SCML4: variants seen among roughly 807,000 people sequenced by gnomAD.
SCML4 encodes sex comb on midleg-like protein 4.
In SCML4, 34 loss-of-function variants were observed where a neutral mutation model predicts 41.1. The observed-to-expected ratio is 0.83, with a 90% CI of 0.63 to 1.10. The LOEUF (loss-of-function observed/expected upper bound fraction) is 1.10, where lower values mean the gene tolerates loss of function less well. Among genes scored for constraint, SCML4 ranks in the 50% least tolerant of loss-of-function variants. SCML4 has a pLI of 0.00. For synonymous variants in SCML4, 214 were observed against 220.9 expected (o/e 0.97, Z 0.28); for missense variants, 522 against 534.1 (o/e 0.98, Z 0.22).
At chr6:107,717,188 C>T (rs1482745989) in intron 6 of SCML4, among the ~76,000 whole-genome samples, 4 of 134,120 alleles carry the variant, frequency 3.0e-5, no homozygotes, top group Admixed American at 7.6e-5. Flanking sequence ...GGTGTGGTGG[C>T]AGGCACCTGT....
chr6:107,773,204 C>A (rs952157361), intron 1 of SCML4, among the ~76,000 whole-genome samples: 1 of 152,144 alleles, frequency 6.6e-6, no homozygotes, highest in Non-Finnish European at 1.5e-5. Flanking sequence ...GCAAAGATGG[C>A]AGGACTATGG....
chr6:107,817,620 C>CAAAAAAAAAAAA lies in SCML4; in HGVS notation c.-60+6494_-60+6505dup, dbSNP rs35621962. 2.2e-4 allele frequency among the ~76,000 whole-genome samples: 10 copies of CAAAAAAAAAAAA among 45,994 alleles called. 1 individual carries two copies. Among genetic ancestry groups the CAAAAAAAAAAAA allele is most frequent in the African/African-American group, 1.2e-3 (9 of 7,204 alleles). The allele number at this position is 45,994 out of a possible 152,430, so 30.2% of individuals were successfully genotyped here. The stretch of plus-strand genomic sequence containing the variant: ...TGGGCAACAGAGGAAGACTTCATCT[C>CAAAAAAAAAAAA]AAAAAAAAAAAAAAAGAAAAAAAAA... On this transcript the variant is annotated intron_variant, in intron 1 of 7. Coordinates refer to ENST00000369020, the MANE Select transcript of SCML4 (RefSeq NM_198081.5).
intron 1 of SCML4, among the ~76,000 whole-genome samples, chr6:107,805,064 G>A (rs1291524663): frequency 3.3e-5 from 5 of 152,176 alleles, no homozygotes; most frequent in Admixed American, 3.3e-4. Context: ...TGTGCTGGAG[G>A]CATTCCTACC....
chr6:107,714,397 C>T (rs1190642485), intron 6 of SCML4, among the ~76,000 whole-genome samples: 2 of 152,192 alleles, frequency 1.3e-5, no homozygotes, highest in Non-Finnish European at 2.9e-5. Flanking sequence ...GCCAGCTCCA[C>T]TGCCCCTTCT....
chr6:107,804,076 A>G (rs965840337), intron 1 of SCML4, among the ~76,000 whole-genome samples: 2 of 148,312 alleles, frequency 1.3e-5, no homozygotes, highest in African/African-American at 5.2e-5. Flanking sequence ...AGAAAAAAAA[A>G]AAAAAAGAGC....
At chr6:107,707,426 C>T (rs1269444886) in intron 7 of SCML4, among the ~76,000 whole-genome samples, 1 of 152,180 alleles carries the variant, frequency 6.6e-6, no homozygotes, top group Non-Finnish European at 1.5e-5. Flanking sequence ...CATTATAATG[C>T]TATCTGCTCA....
At chr6:107,790,632 G>A (rs1219564414) in intron 1 of SCML4, among the ~76,000 whole-genome samples, 1 of 152,120 alleles carries the variant, frequency 6.6e-6, no homozygotes, top group East Asian at 1.9e-4. Flanking sequence ...CTTACTAAAT[G>A]CAAGGCATTT....
the SCML4 span, among the ~76,000 whole-genome samples, chr6:107,841,042 C>T: frequency 6.6e-6 from 1 of 152,112 alleles, no homozygotes; most frequent in Non-Finnish European, 1.5e-5. Flanking sequence ...TCTCTCCCCA[C>T]CTACCTGCTC....
Position 107,720,056 on chromosome 6 carries a change from T to C in SCML4, c.973+647A>G, listed in dbSNP as rs116977977. 7.4e-4 allele frequency: 725 copies of C among 985,476 alleles called. No homozygotes were observed. The East Asian group carries it at 7.7e-3, about 10-fold the overall frequency. 61.0% of individuals were successfully genotyped at this position (985,476 alleles called of 1,614,324 possible). A position where few individuals can be genotyped will look rare whatever the true frequency, so the allele number is the denominator to read the frequency against. ...CATTACAACCAGCATTGGGGGAATTTTGCCTAACTCTGCCTCTGCTCATGT... is the reference window on the plus strand; with the variant it reads ...CATTACAACCAGCATTGGGGGAATTCTGCCTAACTCTGCCTCTGCTCATGT... On this transcript the variant is annotated intron_variant, in intron 6 of 7. Coordinates refer to ENST00000369020, the MANE Select transcript of SCML4 (RefSeq NM_198081.5).
At chr6:107,799,213 G>A (rs1027847893) in intron 1 of SCML4, among the ~76,000 whole-genome samples, 14 of 152,086 alleles carry the variant, frequency 9.2e-5, no homozygotes, top group African/African-American at 3.4e-4. Context: ...ATTTCTGTAT[G>A]TTTTTGCTAC....
chr6:107,724,768 C>T (rs1054287540), intron 5 of SCML4, among the ~76,000 whole-genome samples: 6 of 152,140 alleles, frequency 3.9e-5, no homozygotes, highest in African/African-American at 9.7e-5. Context: ...TAGAAAATAA[C>T]GAGCTAATTC....
intron 5 of SCML4, among the ~76,000 whole-genome samples, chr6:107,726,026 G>A (rs918206728): frequency 1.4e-5 from 2 of 147,374 alleles, no homozygotes; most frequent in Admixed American, 6.8e-5. Context: ...GCAGTGAGCC[G>A]AGATGGCGCC....
intron 1 of SCML4, among the ~76,000 whole-genome samples, chr6:107,806,186 T>C (rs956361763): frequency 3.2e-3 from 92 of 28,962 alleles, no homozygotes; most frequent in Middle Eastern, 0.029. Flanking sequence ...AACAGAGATT[T>C]CCCCCCCCCC....
intron 6 of SCML4, among the ~76,000 whole-genome samples, chr6:107,716,856 G>A (rs1437006525): frequency 3.9e-5 from 6 of 152,124 alleles, no homozygotes; most frequent in Admixed American, 2.0e-4. Flanking sequence ...AAGCAGAAAC[G>A]GAAACCTCTT....
At chr6:107,751,629 T>C (rs768012820) in intron 2 of SCML4, among the ~76,000 whole-genome samples, 6 of 148,274 alleles carry the variant, frequency 4.0e-5, no homozygotes, top group Non-Finnish European at 9.0e-5. Flanking sequence ...TTTCTTTCTT[T>C]CTTTCTTTCT....
chr6:107,717,736 C>T (rs536758477), intron 6 of SCML4, among the ~76,000 whole-genome samples: 9 of 152,260 alleles, frequency 5.9e-5, no homozygotes, highest in Middle Eastern at 3.4e-3. Flanking sequence ...TTAGTAGAGA[C>T]GGGGTTTCAC....
At chr6:107,832,007 G>A in the SCML4 span, among the ~76,000 whole-genome samples, 1 of 151,022 alleles carries the variant, frequency 6.6e-6, no homozygotes, top group Non-Finnish European at 1.5e-5. Context: ...AGCTTGCAGT[G>A]AGCCGAGATC....
chr6:107,821,667 G>T (rs1428131967), intron 1 of SCML4, among the ~76,000 whole-genome samples: 1 of 152,140 alleles, frequency 6.6e-6, no homozygotes, highest in African/African-American at 2.4e-5. Context: ...GCCCAATGAG[G>T]GGTAGTGTCA....
At position 107,720,934 on chromosome 6, in the gene SCML4, C is replaced by T. The variant is rs762079359; in HGVS notation, c.742G>A (p.Val248Met). 1.2e-5 allele frequency: 19 copies of T among 1,613,838 alleles called. No homozygotes were observed. Among genetic ancestry groups the T allele is most frequent in the Admixed American group, 1.0e-4 (6 of 59,980 alleles). ...VNPVGMNRYSVDTSASTFNHR... is the reference protein window; with the variant it reads ...VNPVGMNRYSMDTSASTFNHR... ...TTAAAGGTGGAGGCGGAGGTGTCCA[C>T]GCTGTAGCGGTTCATGCCCACAGGG... The change falls in exon 6 of 8, where the codon GTG becomes ATG. Residue 248 changes from valine (V) to methionine (M), a missense_variant. By Grantham distance (21) the Val-to-Met change is conservative. Coordinates refer to ENST00000369020, the MANE Select transcript of SCML4 (RefSeq NM_198081.5).
Sources: allele counts gnomAD v4.1 joint callset (sites outside exome capture counted in the v4.1 genomes callset), GRCh38; gene constraint gnomAD v4.1.1; transcripts MANE v1.5; gene names NCBI Gene and HGNC (gene_info 2026-07-23, HGNC 2026-07-21).